Variants in SLC24A1 observed in about 807,000 individuals in gnomAD.
SLC24A1 encodes the protein sodium/potassium/calcium exchanger 1.
SLC24A1 carries 52 observed loss-of-function variants against 88.1 expected under a neutral mutation model. The ratio of observed to expected loss-of-function variants is 0.59; its 90% CI spans 0.47 to 0.74. SLC24A1 has a LOEUF of 0.74. SLC24A1 is among the 30% of genes least tolerant of loss of function. The probability of loss-of-function intolerance (pLI) is 0.00; values close to 1 mark genes in which losing one functional copy is unlikely to be tolerated. For missense variants in SLC24A1, 1,173 were observed against 1,363.3 expected, an observed-to-expected ratio of 0.86 and a Z score of 2.20; for synonymous variants, 455 against 498.0, an observed-to-expected ratio of 0.91 and a Z score of 1.15.
downstream of SLC24A1, chr15:65,659,322 G>GTTTTT (rs869058369): frequency 1.4e-4 from 10 of 71,588 alleles, no homozygotes; most frequent in African/African-American, 5.4e-4. Context: ...ATATTTTCTG[G>GTTTTT]TTTTTTTTTT....
chr15:65,631,099 C>T (rs1435279797), intron 2 of SLC24A1, among the ~76,000 whole-genome samples: 1 of 152,056 alleles, frequency 6.6e-6, no homozygotes, highest in Non-Finnish European at 1.5e-5. Context: ...AAAACTCAAA[C>T]ATCTGATCAC....
downstream of SLC24A1, chr15:65,658,090 C>T (rs1361801674): frequency 6.6e-6 from 1 of 152,236 alleles, no homozygotes; most frequent in East Asian, 1.9e-4. Context: ...CTATTACCAT[C>T]TCAGAGTACA....
intron 5 of SLC24A1, among the ~76,000 whole-genome samples, 175 bp downstream of exon 5, chr15:65,644,688 CCA>C (rs1293817371): frequency 6.6e-6 from 1 of 152,196 alleles, no homozygotes; most frequent in Admixed American, 6.5e-5. Flanking sequence ...CCGCTCCACT[CCA>C]GACTCTTCCT....
intron 9 of SLC24A1, 32 bp from the exon 10 acceptor site, chr15:65,653,798 A>C (rs2141736467): frequency 1.9e-6 from 3 of 1,608,246 alleles, no homozygotes; most frequent in Non-Finnish European, 2.6e-6. Context: ...ATAAACATTA[A>C]GGATATTCAC....
intron 4 of SLC24A1, among the ~76,000 whole-genome samples, chr15:65,640,391 C>T (rs1384648598): frequency 1.3e-5 from 2 of 152,130 alleles, no homozygotes; most frequent in Non-Finnish European, 2.9e-5. Context: ...TCCACCTTAC[C>T]ACATCCTGCC....
intron 2 of SLC24A1, among the ~76,000 whole-genome samples, chr15:65,616,019 GT>G (rs2141389385): frequency 6.6e-6 from 1 of 151,958 alleles, no homozygotes; most frequent in South Asian, 2.1e-4. Context: ...GAGAATCATG[GT>G]TTCCAGCTTC....
chr15:65,652,349 A>G, intron 8 of SLC24A1: 1 of 322,986 alleles, frequency 3.1e-6, no homozygotes, highest in Non-Finnish European at 5.8e-6. Context: ...GTGGGGAGGT[A>G]GGGGTGTTAA....
chr15:65,638,266 C>T, intron 3 of SLC24A1, 85 bp downstream of exon 3: 2 of 971,598 alleles, frequency 2.1e-6, no homozygotes, highest in Non-Finnish European at 3.2e-6. Flanking sequence ...TGGCCCTGTG[C>T]TGGGGACCCT....
rs539334959 is a variant in SLC24A1, at chr15:65,643,493, C to A, written c.2054-934C>A. On this transcript the variant is annotated intron_variant, in intron 4 of 9. Coordinates refer to ENST00000261892, the MANE Select transcript of SLC24A1 (RefSeq NM_004727.3). ...AGCCAGCCTAAATTCAGAATAGAGC[C>A]CGTAGATCCCATGACACCACTTTGT... Among the ~76,000 whole-genome samples, 4 of 152,298 alleles carry A rather than the reference C, an allele frequency of 2.6e-5. No individual in the cohort carries two copies. In the South Asian group the frequency reaches 8.3e-4, roughly 32 times the overall value.
chr15:65,660,413 T>G, downstream of SLC24A1: 9 of 945,176 alleles, frequency 9.5e-6, no homozygotes, highest in East Asian at 2.6e-5. Flanking sequence ...TCGTGGACTC[T>G]ACTGGCTTTA....
At chr15:65,630,076 T>C (rs1301715128) in intron 2 of SLC24A1, among the ~76,000 whole-genome samples, 1 of 152,138 alleles carries the variant, frequency 6.6e-6, no homozygotes, top group Non-Finnish European at 1.5e-5. Flanking sequence ...GCAGTCTCCC[T>C]CCTCAGCCTC....
chr15:65,651,681 GT>G lies in SLC24A1; in HGVS notation c.2811del (p.Phe937LeufsTer12). The G allele has an allele frequency of 6.3e-7, 1 of 1,597,408 alleles. No homozygotes were observed. Among genetic ancestry groups the G allele is most frequent in the Non-Finnish European group, 8.6e-7 (1 of 1,165,160 alleles). The part of the protein sequence containing the change: ...PDVRRQESRK[F>X]FVFTFLGSIM... ...AAACTTTCAAACAGGAGTCTAGGAA[GT>G]TTTTTGTTTTCACCTTCCTGGGATC... On this transcript the variant is annotated frameshift_variant, in exon 8 of 10. Transcript: ENST00000261892. LOFTEE classifies it high-confidence loss of function.
intron 3 of SLC24A1, among the ~76,000 whole-genome samples, chr15:65,639,010 A>C (rs1332823830): frequency 6.6e-6 from 1 of 152,196 alleles, no homozygotes; most frequent in East Asian, 1.9e-4. Context: ...GGGCAGAAAA[A>C]AAACCAAAAC....
intron 6 of SLC24A1, among the ~76,000 whole-genome samples, chr15:65,649,790 G>C (rs1272360803): frequency 2.6e-5 from 4 of 152,206 alleles, no homozygotes; most frequent in African/African-American, 9.7e-5. Flanking sequence ...ACTCAGCAAT[G>C]CATTGTGACC....
chr15:65,655,109 T>C lies in SLC24A1; in HGVS notation c.*1030T>C, dbSNP rs1022063513. ...TGCAAATTCATGTTGTCTCCATCAG[T>C]GGTCACCTTGAGGGATTAGACATTC... On this transcript the variant is annotated 3_prime_UTR_variant, in exon 10 of 10. Transcript: ENST00000261892. 2 of 1,008,212 alleles carry C rather than the reference T, an allele frequency of 2.0e-6. No homozygotes were observed. Among genetic ancestry groups the C allele is most frequent in the African/African-American group, 3.5e-5 (2 of 57,324 alleles). The allele number at this position is 1,008,212 out of a possible 1,614,324, so 62.5% of individuals were successfully genotyped here. A position where few individuals can be genotyped will look rare whatever the true frequency, so the allele number is the denominator to read the frequency against.
At position 65,654,069 on chromosome 15, in the gene SLC24A1, T is replaced by C; in HGVS notation, c.3290T>C (p.Val1097Ala). ...MLEDRIISCP[V>A]SV ...GAAGATCGAATCATATCCTGTCCTGTATCTGTCTGAATCAGTCACTCTTGC... is the reference window on the plus strand; with the variant it reads ...GAAGATCGAATCATATCCTGTCCTGCATCTGTCTGAATCAGTCACTCTTGC... The change falls in exon 10 of 10, where the codon GTA becomes GCA. Residue 1097 changes from valine to alanine, a missense_variant. By Grantham distance (64) the Val-to-Ala change is moderately conservative. Coordinates refer to ENST00000261892, the MANE Select transcript of SLC24A1 (RefSeq NM_004727.3). The C allele has an allele frequency of 6.2e-7, 1 of 1,613,156 alleles. No individual in the cohort carries two copies. Among genetic ancestry groups the C allele is most frequent in the Non-Finnish European group, 8.5e-7 (1 of 1,179,218 alleles).
At position 65,639,645 on chromosome 15, in the gene SLC24A1, C is replaced by T. The variant is rs2075058103; in HGVS notation, c.1995C>T (p.Ser665=). 2.5e-6 allele frequency: 4 copies of T among 1,613,162 alleles called. No individual in the cohort carries two copies. Among genetic ancestry groups the T allele is most frequent in the Non-Finnish European group, 3.4e-6 (4 of 1,179,590 alleles). ...RGSSSTSLHN[S]TIRSTIYQLM... ...GCAGCTCGACCTCTCTGCACAACAG[C>T]ACCATCCGCAGCACCATCTACCAGC... Residue 665 remains serine (S), a synonymous_variant, in exon 4 of 10, where the codon AGC becomes AGT. Coordinates refer to ENST00000261892, the MANE Select transcript of SLC24A1 (RefSeq NM_004727.3).
At chr15:65,660,364 T>A (rs1184136258), downstream of SLC24A1, 12 of 1,472,202 alleles carry the variant, frequency 8.2e-6, no homozygotes, top group Non-Finnish European at 1.1e-5. Context: ...CTGAACTGAT[T>A]CTAAGTCTCA....
At chr15:65,659,524 G>C (rs1023959932), downstream of SLC24A1, 7 of 151,456 alleles carry the variant, frequency 4.6e-5, no homozygotes, top group Admixed American at 4.6e-4. Context: ...TTTTTGTAGA[G>C]ACAGGGTCTC....
Sources: gnomAD v4.1 joint callset for allele counts (sites outside exome capture counted in the v4.1 genomes callset) on GRCh38, gnomAD v4.1.1 for gene constraint, MANE v1.5 for transcripts, NCBI Gene and HGNC (gene_info 2026-07-23, HGNC 2026-07-21) for gene names.